The following PDZRN3 variants were observed in gnomAD, a reference collection of about 807,000 sequenced individuals.
The protein encoded by PDZRN3 is E3 ubiquitin-protein ligase PDZRN3.
In PDZRN3, 38 loss-of-function variants were observed where a neutral mutation model predicts 85.7. The observed-to-expected ratio is 0.44, with a 90% CI of 0.34 to 0.58. The LOEUF is 0.58. PDZRN3 is among the 20% of genes least tolerant of loss of function. PDZRN3 has a pLI of 0.01. For missense variants in PDZRN3, 1,629 were observed against 1,506.4 expected (o/e 1.08, Z -1.35); for synonymous variants, 759 against 638.0 (o/e 1.19, Z -2.86).
At chr3:73,448,361 T>G (rs529672929) in intron 3 of PDZRN3, among the ~76,000 whole-genome samples, 1 of 152,348 alleles carries the variant, frequency 6.6e-6, no homozygotes, top group East Asian at 1.9e-4. Context: ...GCTCAGTAGA[T>G]TTTAGTTTTC....
intron 3 of PDZRN3, among the ~76,000 whole-genome samples, chr3:73,426,874 C>G (rs755335228): frequency 5.3e-5 from 8 of 152,020 alleles, no homozygotes; most frequent in Non-Finnish European, 8.8e-5. Context: ...GAACTAATGA[C>G]TTAAAAGAAA....
chr3:73,595,417 A>G (rs986327248), intron 3 of PDZRN3, among the ~76,000 whole-genome samples: 48 of 152,214 alleles, frequency 3.2e-4, no homozygotes, highest in African/African-American at 1.2e-3. Context: ...AGAGGAGTAT[A>G]GCCTCATGTG....
rs1463124362 is a variant in PDZRN3, at chr3:73,396,110, C to T, written c.1254+4812G>A. Among the ~76,000 whole-genome samples, 4 of 152,120 alleles carry T rather than the reference C, an allele frequency of 2.6e-5. No individual in the cohort carries two copies. The South Asian group carries it at 6.2e-4, about 24-fold the overall frequency. On this transcript the variant is annotated intron_variant, in intron 5 of 9. Transcript: ENST00000263666. ...TGGTGGCACATACCTGTAATCCCAG[C>T]TACTTGGGAAGCTGAGGCAGGTGAA...
intron 3 of PDZRN3, among the ~76,000 whole-genome samples, chr3:73,499,499 A>T (rs756948670): frequency 1.3e-5 from 2 of 152,142 alleles, no homozygotes; most frequent in Non-Finnish European, 2.9e-5. Flanking sequence ...AACATATCTG[A>T]GGCATCTGCT....
In PDZRN3 at chr3:73,615,463, A is replaced by G. The variant is rs144447256; in HGVS notation, c.724-6779T>C. 8.9e-4 allele frequency among the ~76,000 whole-genome samples: 136 copies of G among 152,312 alleles called. 1 individual carries two copies. The highest frequency in any genetic ancestry group is 2.9e-3 in the African/African-American group (120 of 41,572). ...AAATGTTTATGTGCCCTCAAAATTC[A>G]TATGTTGAAATCCTAATCCCCAAAG... On this transcript the variant is annotated intron_variant, in intron 1 of 9. Transcript: ENST00000263666.
intron 3 of PDZRN3, among the ~76,000 whole-genome samples, chr3:73,479,819 A>G (rs1358636137): frequency 6.6e-6 from 1 of 152,192 alleles, no homozygotes; most frequent in East Asian, 1.9e-4. Context: ...AAAGAAAAAT[A>G]TGATTCATAC....
intron 3 of PDZRN3, among the ~76,000 whole-genome samples, chr3:73,599,460 G>A (rs1484769230): frequency 6.6e-6 from 1 of 152,154 alleles, no homozygotes; most frequent in Non-Finnish European, 1.5e-5. Context: ...TGAGTGTAGA[G>A]TTTCAGTCGA....
chr3:73,455,147 C>G (rs1188624009), intron 3 of PDZRN3, among the ~76,000 whole-genome samples: 1 of 152,186 alleles, frequency 6.6e-6, no homozygotes, highest in Non-Finnish European at 1.5e-5. Flanking sequence ...GAAAAAGAAT[C>G]ACCATGAGTA....
intron 3 of PDZRN3, among the ~76,000 whole-genome samples, chr3:73,476,952 GT>G (rs1042524603): frequency 6.6e-6 from 1 of 152,016 alleles, no homozygotes; most frequent in East Asian, 1.9e-4. Context: ...GAGACAATCG[GT>G]TTTTTTTAAG....
intron 2 of PDZRN3, among the ~76,000 whole-genome samples, chr3:73,606,876 C>A (rs2106902755): frequency 6.6e-6 from 1 of 152,314 alleles, no homozygotes; most frequent in South Asian, 2.1e-4. Context: ...AATCATAAAT[C>A]TCTTTGTGTC....
At chr3:73,621,759 G>C (rs547017912) in intron 1 of PDZRN3, 43 of 152,266 alleles carry the variant, frequency 2.8e-4, no homozygotes, top group African/African-American at 1.0e-3. Flanking sequence ...AAAGTTCCAA[G>C]CAGGGCTCCA....
At chr3:73,516,977 C>A (rs183256056) in intron 3 of PDZRN3, among the ~76,000 whole-genome samples, 2 of 152,174 alleles carry the variant, frequency 1.3e-5, no homozygotes, top group Non-Finnish European at 2.9e-5. Flanking sequence ...CACAGCCATG[C>A]TGAAGTTTTG....
chr3:73,589,521 T>C (rs890165241), intron 3 of PDZRN3, among the ~76,000 whole-genome samples: 2 of 152,250 alleles, frequency 1.3e-5, no homozygotes, highest in Admixed American at 1.3e-4. Context: ...CTGTATGTTC[T>C]GTTAAATCTG....
intron 3 of PDZRN3, among the ~76,000 whole-genome samples, chr3:73,448,901 G>C (rs1702804192): frequency 6.6e-6 from 1 of 152,154 alleles, no homozygotes; most frequent in South Asian, 2.1e-4. Context: ...CAGTCACCAT[G>C]ACTACCACAA....
At chr3:73,516,883 T>C (rs1488733326) in intron 3 of PDZRN3, among the ~76,000 whole-genome samples, 1 of 152,200 alleles carries the variant, frequency 6.6e-6, no homozygotes, top group Non-Finnish European at 1.5e-5. Context: ...CATGTGCCTA[T>C]GGAATGGGCT....
At chr3:73,605,919 C>T (rs987747958) in intron 2 of PDZRN3, among the ~76,000 whole-genome samples, 4 of 152,176 alleles carry the variant, frequency 2.6e-5, no homozygotes, top group Non-Finnish European at 4.4e-5. Context: ...ACTTAAAGCA[C>T]CTTTTGTAAA....
intron 3 of PDZRN3, among the ~76,000 whole-genome samples, chr3:73,519,570 G>T (rs567581941): frequency 6.6e-6 from 1 of 152,274 alleles, no homozygotes; most frequent in East Asian, 1.9e-4. Context: ...ATCATTAATT[G>T]TTTCTATAAA....
intron 3 of PDZRN3, among the ~76,000 whole-genome samples, chr3:73,492,565 A>G (rs1703791656): frequency 6.6e-6 from 1 of 152,164 alleles, no homozygotes; most frequent in African/African-American, 2.4e-5. Context: ...GTTTAAGAAC[A>G]CCCCGCTTCA....
chr3:73,453,421 AAAC>A lies in PDZRN3; in HGVS notation c.919-49029_919-49027del, dbSNP rs1428628366. Among the ~76,000 whole-genome samples the A allele has an allele frequency of 3.5e-3, 186 of 52,814 alleles. 2 individuals are homozygous for A. The highest frequency in any genetic ancestry group is 8.3e-3 in the African/African-American group (145 of 17,546). The allele number at this position is 52,814 out of a possible 152,430, so 34.6% of individuals were successfully genotyped here. ...CTTCGTCTCAAAAAAAAAAAAAAAA[AAAC>A]AAAAAAAAAAAACAAAGAAAGAAGA... is the stretch of plus-strand genomic sequence containing the variant. On this transcript the variant is annotated intron_variant, in intron 3 of 9. Transcript: ENST00000263666.
Sources: gnomAD v4.1 joint callset for allele counts (sites outside exome capture counted in the v4.1 genomes callset) on GRCh38, gnomAD v4.1.1 for gene constraint, MANE v1.5 for transcripts, NCBI Gene and HGNC (gene_info 2026-07-23, HGNC 2026-07-21) for gene names.